The following CSNK2A1 variants were observed in gnomAD, a reference collection of about 807,000 sequenced individuals.
CSNK2A1 encodes the protein casein kinase 2 alpha 1.
In CSNK2A1, 10 loss-of-function variants were observed where a neutral mutation model predicts 62.9. That is an observed-to-expected ratio of 0.16 (90% CI 0.10 to 0.27). CSNK2A1 has a LOEUF of 0.27. Ranked by LOEUF, CSNK2A1 falls within the 10% of genes least tolerant of loss-of-function variation. The probability of loss-of-function intolerance (pLI) is 1.00; values close to 1 mark genes in which losing one functional copy is unlikely to be tolerated. For synonymous variants in CSNK2A1, 124 were observed against 167.8 expected (o/e 0.74, Z 2.02); for missense variants, 160 against 492.0 (o/e 0.33, Z 6.38).
Position 483,987 on chromosome 20 carries a change from G to A in CSNK2A1, c.1150C>T (p.Pro384Ser), listed in dbSNP as rs766921846. ...TACTGCTGAGCGCCAGCGGCAGCTG[G>A]AACAGGCATCCCAAGGGGGTTGGCA... Reference protein sequence around the residue: ...AAANPLGMPVPAAAGAQQ With the variant: ...AAANPLGMPVSAAAGAQQ The change falls in exon 14 of 14, where the codon CCA becomes TCA. Residue 384 changes from proline to serine, a missense_variant. By Grantham distance (74) the Pro-to-Ser change is moderately conservative. This residue lies in a region of CSNK2A1 where 51 missense variants were observed against 108.8 expected (regional missense o/e 0.47). Coordinates refer to ENST00000217244, the MANE Select transcript of CSNK2A1 (RefSeq NM_177559.3). The A allele has an allele frequency of 6.2e-7, 1 of 1,612,304 alleles. No homozygotes were observed. The highest frequency in any genetic ancestry group is 8.5e-7 in the Non-Finnish European group (1 of 1,179,222).
chr20:522,254 A>G (rs1223743539), intron 2 of CSNK2A1, among the ~76,000 whole-genome samples: 3 of 152,246 alleles, frequency 2.0e-5, no homozygotes. Context: ...GGGTATTCCT[A>G]AGTCCAATGG....
At chr20:493,045 C>T (rs2018266992) in intron 8 of CSNK2A1, among the ~76,000 whole-genome samples, 2 of 152,208 alleles carry the variant, frequency 1.3e-5, no homozygotes, top group South Asian at 2.1e-4. Flanking sequence ...GGAAAAACAT[C>T]GGACTGCTCT....
intron 1 of CSNK2A1, among the ~76,000 whole-genome samples, chr20:528,948 C>G (rs1050527414): frequency 6.6e-6 from 1 of 152,214 alleles, no homozygotes; most frequent in Non-Finnish European, 1.5e-5. Context: ...ACACAGCCAA[C>G]CCCCATACCC....
intron 9 of CSNK2A1, among the ~76,000 whole-genome samples, chr20:490,652 C>T (rs1380400067): frequency 6.6e-6 from 1 of 150,586 alleles, no homozygotes; most frequent in East Asian, 1.9e-4. Flanking sequence ...GATCCACTTG[C>T]CTTGGCCTTT....
At chr20:523,858 C>CAA (rs11401840) in intron 2 of CSNK2A1, among the ~76,000 whole-genome samples, 782 of 44,436 alleles carry the variant, frequency 0.018, 46 homozygotes, top group African/African-American at 0.048. Context: ...GACTCCATCT[C>CAA]AAAAAAAAAA....
Position 499,434 on chromosome 20 carries a change from T to C in CSNK2A1, c.316-129A>G, listed in dbSNP as rs1003000974. Reference sequence around the variant, plus strand: ...CGCCTCAGTAGTAAGAAACCCTCTATTGCTACAAGCCCTCCCCGCTCTGAT... The same window carrying C: ...CGCCTCAGTAGTAAGAAACCCTCTACTGCTACAAGCCCTCCCCGCTCTGAT... On this transcript the variant is annotated intron_variant, in intron 5 of 13. Transcript: ENST00000217244. This position sits in a 1 kb window ranked among gnomAD's most constrained non-coding sequence, Gnocchi z 4.2. 15 of 741,154 alleles carry C rather than the reference T, an allele frequency of 2.0e-5. No individual in the cohort carries two copies. The highest frequency in any genetic ancestry group is 5.7e-5 in the Admixed American group (2 of 35,124). 45.9% of individuals were successfully genotyped at this position (741,154 alleles called of 1,614,324 possible).
chr20:495,477 T>C (rs1486618048), intron 8 of CSNK2A1: 1 of 429,792 alleles, frequency 2.3e-6, no homozygotes, highest in African/African-American at 2.0e-5. Context: ...GAAGCCACGT[T>C]TCCGGGCTTA....
intron 2 of CSNK2A1, among the ~76,000 whole-genome samples, chr20:527,707 T>C (rs1298255892): frequency 6.7e-6 from 1 of 149,652 alleles, no homozygotes; most frequent in Non-Finnish European, 1.5e-5. Flanking sequence ...GACTTTGATT[T>C]ATTTCTCTTG....
intron 11 of CSNK2A1, chr20:487,926 A>C (rs6052413): frequency 0.012 from 3,577 of 310,686 alleles, 108 homozygotes; most frequent in African/African-American, 0.065. Flanking sequence ...ATCTCTGCCA[A>C]TTGGCCAGCA....
chr20:532,428 C>T (rs180708426), intron 1 of CSNK2A1, among the ~76,000 whole-genome samples: 2 of 151,400 alleles, frequency 1.3e-5, no homozygotes, highest in African/African-American at 2.4e-5. Flanking sequence ...CTGCCCGCCT[C>T]GGCCTCCCAA....
Position 479,078 on chromosome 20 carries a change from T to A in CSNK2A1, c.*4883A>T, listed in dbSNP as rs1011568465. 1.3e-5 allele frequency: 2 copies of A among 152,376 alleles called. No homozygotes were observed. The highest frequency in any genetic ancestry group is 4.8e-5 in the African/African-American group (2 of 41,454). The allele number at this position is 152,376 out of a possible 1,614,324, so 9.4% of individuals were successfully genotyped here. ...TTCATTCAATCAGAAACTTGACTTGTACCCGTTGAAAACCTGTCATGTTTA... is the reference window on the plus strand; with the variant it reads ...TTCATTCAATCAGAAACTTGACTTGAACCCGTTGAAAACCTGTCATGTTTA... On this transcript the variant is annotated 3_prime_UTR_variant, in exon 14 of 14. Coordinates refer to ENST00000217244, the MANE Select transcript of CSNK2A1 (RefSeq NM_177559.3).
At chr20:514,716 A>G (rs2018793609) in intron 2 of CSNK2A1, among the ~76,000 whole-genome samples, 1 of 152,238 alleles carries the variant, frequency 6.6e-6, no homozygotes, top group Non-Finnish European at 1.5e-5. Flanking sequence ...TGCTGAGATT[A>G]CAGGTGTGAG....
At chr20:500,030 C>T (rs1333480615) in intron 4 of CSNK2A1, 96 bp from the exon 5 acceptor site, 11 of 893,092 alleles carry the variant, frequency 1.2e-5, no homozygotes, top group Non-Finnish European at 1.9e-5. Context: ...AAATGGCTTA[C>T]TTATGAGCAC....
chr20:497,588 TA>T, intron 7 of CSNK2A1, 132 bp downstream of exon 7: 1 of 691,346 alleles, frequency 1.4e-6, no homozygotes, highest in Non-Finnish European at 2.4e-6. Context: ...ATTAACTTAT[TA>T]AAAACTTATA....
chr20:542,350 A>C (rs1198042091), intron 1 of CSNK2A1, among the ~76,000 whole-genome samples: 2 of 152,254 alleles, frequency 1.3e-5, no homozygotes, highest in Admixed American at 1.3e-4. Context: ...GAACCTAGGC[A>C]GTCTGGTTTT....
chr20:524,620 C>A (rs895714595), intron 2 of CSNK2A1, among the ~76,000 whole-genome samples: 4 of 134,354 alleles, frequency 3.0e-5, no homozygotes, highest in Non-Finnish European at 6.2e-5. Context: ...ATCCCAGCTA[C>A]TCAGGAGGCT....
At chr20:492,575 T>G (rs1209689584) in intron 8 of CSNK2A1, 1 of 549,134 alleles carries the variant, frequency 1.8e-6, no homozygotes, top group African/African-American at 1.9e-5. Context: ...CAATCTCACC[T>G]GTGCTTTTAC....
chr20:490,720 T>A (rs1372022030), intron 9 of CSNK2A1, among the ~76,000 whole-genome samples: 1 of 135,524 alleles, frequency 7.4e-6, no homozygotes, highest in Non-Finnish European at 1.6e-5. Context: ...TTTTTTTTTT[T>A]AAAGACACAG....
At chr20:489,002 T>A (rs1302469412) in intron 10 of CSNK2A1, 2 of 400,472 alleles carry the variant, frequency 5.0e-6, no homozygotes, top group Non-Finnish European at 4.5e-6. Context: ...AACCCTTATT[T>A]TTCTCCCCTC....
Sources: gnomAD v4.1 joint callset for allele counts (sites outside exome capture counted in the v4.1 genomes callset) on GRCh38, gnomAD v4.1.1 for gene constraint, gnomAD v4.1.1 regional missense constraint, Gnocchi (gnomAD v3.1) non-coding constraint, MANE v1.5 for transcripts, NCBI Gene and HGNC (gene_info 2026-07-23, HGNC 2026-07-21) for gene names.